Variants in TIAM1 observed in about 807,000 individuals in gnomAD.
TIAM1 encodes TIAM Rac1 associated GEF 1.
In TIAM1, 65 loss-of-function variants were observed where a neutral mutation model predicts 163.5. That is an observed-to-expected ratio of 0.40 (90% confidence interval 0.33 to 0.49). TIAM1 has a LOEUF of 0.49. Among genes scored for constraint, TIAM1 ranks in the 20% least tolerant of loss-of-function variants. The probability of loss-of-function intolerance (pLI) is 0.77; values close to 1 mark genes in which losing one functional copy is unlikely to be tolerated. For synonymous variants in TIAM1, 833 were observed against 810.1 expected (o/e 1.03, Z -0.48); for missense variants, 1,789 against 2,044.7 (o/e 0.87, Z 2.41).
intron 2 of TIAM1, among the ~76,000 whole-genome samples, chr21:31,312,864 A>G (rs2074981729): frequency 6.6e-6 from 1 of 152,234 alleles, no homozygotes; most frequent in South Asian, 2.1e-4. Flanking sequence ...AAAAGAAAAA[A>G]GAATATGAAA....
chr21:31,558,724 C>T (rs1345048764), intron 1 of TIAM1, among the ~76,000 whole-genome samples: 1 of 152,116 alleles, frequency 6.6e-6, no homozygotes, highest in Non-Finnish European at 1.5e-5. Flanking sequence ...CCCGCATCTC[C>T]CCACCTCCCA....
intron 2 of TIAM1, among the ~76,000 whole-genome samples, chr21:31,291,086 C>T (rs140484013): frequency 9.1e-4 from 138 of 152,166 alleles, no homozygotes; most frequent in African/African-American, 3.1e-3. Flanking sequence ...TCATCTCCAC[C>T]CACCACAAGT....
intron 1 of TIAM1, among the ~76,000 whole-genome samples, chr21:31,545,752 T>C (rs1456956801): frequency 6.6e-6 from 1 of 152,244 alleles, no homozygotes; most frequent in East Asian, 1.9e-4. Flanking sequence ...TGGCCCCCAC[T>C]GGCTTTCTCA....
In TIAM1 at chr21:31,217,693, C is replaced by A. The variant is rs763013260; in HGVS notation, c.2002G>T (p.Ala668Ser). Residue 668 changes from alanine to serine, a missense_variant, in exon 9 of 28, where the codon GCA becomes TCA. Ala to Ser is a moderately conservative substitution (Grantham distance 99). Transcript: ENST00000541036. ...CTCACTCCAGTTTCACCAGTGCGTG[C>A]TGCCACCTGAGGATGGCAAGGACAA... ...SVSSFHALVA[A>S]RTGETGVRRR... is the part of the protein sequence containing the mutation. The A allele has an allele frequency of 6.2e-7, 1 of 1,612,986 alleles. No individual in the cohort carries two copies. Among genetic ancestry groups the A allele is most frequent in the Non-Finnish European group, 8.5e-7 (1 of 1,179,448 alleles).
intron 1 of TIAM1, among the ~76,000 whole-genome samples, chr21:31,464,870 T>C (rs925603812): frequency 7.2e-5 from 10 of 138,956 alleles, no homozygotes; most frequent in African/African-American, 2.7e-4. Context: ...AAAAGCCAGA[T>C]GCGGTGGCTC....
chr21:31,376,010 C>T (rs1391723142), intron 2 of TIAM1, among the ~76,000 whole-genome samples: 2 of 150,442 alleles, frequency 1.3e-5, no homozygotes, highest in African/African-American at 2.5e-5. Context: ...CTAGGTGACA[C>T]AGTGAGACTC....
chr21:31,222,150 C>G (rs1320687932), intron 8 of TIAM1, among the ~76,000 whole-genome samples: 1 of 152,126 alleles, frequency 6.6e-6, no homozygotes, highest in Admixed American at 6.6e-5. Context: ...ATAAAGAATA[C>G]AAACGCCTCT....
At chr21:31,276,089 A>T (rs1414941451) in intron 3 of TIAM1, among the ~76,000 whole-genome samples, 1 of 152,004 alleles carries the variant, frequency 6.6e-6, no homozygotes, top group Non-Finnish European at 1.5e-5. Flanking sequence ...TTCTAGTGGG[A>T]GGTCTTGGTT....
At chr21:31,256,680 C>A (rs1233226984) in intron 4 of TIAM1, among the ~76,000 whole-genome samples, 1 of 149,682 alleles carries the variant, frequency 6.7e-6, no homozygotes, top group Non-Finnish European at 1.5e-5. Context: ...TCAGTATACT[C>A]TCCTTTGATA....
At chr21:31,268,364 GA>G (rs2072896578) in intron 3 of TIAM1, among the ~76,000 whole-genome samples, 1 of 152,190 alleles carries the variant, frequency 6.6e-6, no homozygotes, top group Non-Finnish European at 1.5e-5. Flanking sequence ...CAAAGAGATC[GA>G]AAGAGCCTGG....
At chr21:31,156,112 T>C (rs1192470340) in intron 16 of TIAM1, among the ~76,000 whole-genome samples, 1 of 152,108 alleles carries the variant, frequency 6.6e-6, no homozygotes, top group African/African-American at 2.4e-5. Context: ...CTCATTAGCA[T>C]ATCCAAAAGG....
intron 11 of TIAM1, among the ~76,000 whole-genome samples, chr21:31,204,134 A>T (rs7278673): frequency 2.6e-4 from 40 of 152,152 alleles, no homozygotes; most frequent in Non-Finnish European, 5.0e-4. Flanking sequence ...AATGCTCTCC[A>T]AAAGTTACAC....
intron 19 of TIAM1, among the ~76,000 whole-genome samples, chr21:31,152,101 C>T (rs1017755526): frequency 4.7e-5 from 7 of 148,746 alleles, no homozygotes; most frequent in African/African-American, 1.2e-4. Flanking sequence ...GCTGCAATCT[C>T]GGCTCACTGC....
Position 31,266,434 on chromosome 21 carries a change from C to G in TIAM1, c.539G>C (p.Ser180Thr). Residue 180 changes from serine (S) to threonine (T), a missense_variant, in exon 4 of 28, where the codon AGC becomes ACC. Ser to Thr is a moderately conservative substitution (Grantham distance 58). Around this residue, in one of 5 missense-constraint regions of TIAM1, gnomAD observed 555 missense variants for 564.9 expected, o/e 0.98. Coordinates refer to ENST00000541036, the MANE Select transcript of TIAM1 (RefSeq NM_001353694.2). ...CAGATCAGAGAGTGAGAATTCCAGG[C>G]TGTCCTCCCGCCAGATGTCTGCAGA... ...SKSADIWRED[S>T]LEFSLSDLSQ... is the part of the protein sequence containing the mutation. The G allele has an allele frequency of 6.2e-7, 1 of 1,614,248 alleles. No individual in the cohort carries two copies. The highest frequency in any genetic ancestry group is 1.1e-5 in the South Asian group (1 of 91,088).
intron 6 of TIAM1, among the ~76,000 whole-genome samples, chr21:31,242,437 T>C (rs1197084932): frequency 1.3e-5 from 2 of 152,068 alleles, no homozygotes; most frequent in Non-Finnish European, 2.9e-5. Context: ...CTGGGAGGAT[T>C]GCTCAGCCCA....
At chr21:31,479,369 TTGGATGGATGGATGGA>T (rs58755974) in intron 1 of TIAM1, among the ~76,000 whole-genome samples, 3 of 149,608 alleles carry the variant, frequency 2.0e-5, no homozygotes, top group Non-Finnish European at 3.0e-5. Context: ...GGATGGATGA[TTGGATGGATGGATGGA>T]TGGATGGATG....
chr21:31,210,811 A>G (rs187072939), intron 10 of TIAM1, among the ~76,000 whole-genome samples: 5 of 148,134 alleles, frequency 3.4e-5, no homozygotes, highest in Non-Finnish European at 7.5e-5. Flanking sequence ...AGAAAGAAAG[A>G]AAGGTCACCA....
chr21:31,440,132 C>T (rs1020005840), intron 2 of TIAM1, among the ~76,000 whole-genome samples: 1 of 152,192 alleles, frequency 6.6e-6, no homozygotes, highest in South Asian at 2.1e-4. Context: ...AGTAAGTATT[C>T]TACAAACGTT....
chr21:31,365,629 G>T (rs2076491651), intron 2 of TIAM1, among the ~76,000 whole-genome samples: 3 of 151,580 alleles, frequency 2.0e-5, no homozygotes, highest in African/African-American at 7.3e-5. Context: ...CTGACCTCGT[G>T]ATCCACCTGC....
Sources: allele counts gnomAD v4.1 joint callset (sites outside exome capture counted in the v4.1 genomes callset), GRCh38; gene constraint gnomAD v4.1.1; regional missense constraint gnomAD v4.1.1; transcripts MANE v1.5; gene names NCBI Gene and HGNC (gene_info 2026-07-23, HGNC 2026-07-21).